The following NBEA variants were observed in gnomAD, a reference collection of about 807,000 sequenced individuals.
The protein encoded by NBEA is neurobeachin, also known as lysosomal-trafficking regulator 2.
NBEA carries 44 observed loss-of-function variants against 343.4 expected under a neutral mutation model. The ratio of observed to expected loss-of-function variants is 0.13; its 90% CI spans 0.10 to 0.16. The LOEUF is 0.16. Ranked by LOEUF, NBEA falls within the 10% of genes least tolerant of loss-of-function variation. NBEA has a pLI of 1.00. For missense variants in NBEA, 2,555 were observed against 3,631.3 expected, an observed-to-expected ratio of 0.70 and a Z score of 7.62; for synonymous variants, 1,175 against 1,238.7, an observed-to-expected ratio of 0.95 and a Z score of 1.08.
At chr13:35,217,969 C>T (rs2074156095) in intron 33 of NBEA, among the ~76,000 whole-genome samples, 1 of 152,102 alleles carries the variant, frequency 6.6e-6, no homozygotes, top group African/African-American at 2.4e-5. Flanking sequence ...GCTTCCTCCT[C>T]TCAGGGACTC....
intron 1 of NBEA, among the ~76,000 whole-genome samples, chr13:35,012,803 C>T (rs1385517642): frequency 6.6e-6 from 1 of 152,122 alleles, no homozygotes; most frequent in Non-Finnish European, 1.5e-5. Context: ...TGGACTCAGT[C>T]ACCTTCTTTT....
chr13:35,372,565 G>A (rs774908473), intron 38 of NBEA, among the ~76,000 whole-genome samples: 7 of 152,156 alleles, frequency 4.6e-5, no homozygotes, highest in Non-Finnish European at 8.8e-5. Flanking sequence ...TGCTTGGATA[G>A]GGATAGCAAC....
intron 38 of NBEA, among the ~76,000 whole-genome samples, chr13:35,431,099 C>A (rs118112216): frequency 0.03 from 4,505 of 151,682 alleles, 102 homozygotes; most frequent in Non-Finnish European, 0.045. Context: ...TGAAAAAATC[C>A]ATAGCTTTTT....
At chr13:35,168,421 C>A (rs886837222) in intron 24 of NBEA, among the ~76,000 whole-genome samples, 1 of 151,470 alleles carries the variant, frequency 6.6e-6, no homozygotes, top group Non-Finnish European at 1.5e-5. Context: ...TATTTTCTAG[C>A]ATGGAAAAGT....
At chr13:35,108,785 C>T (rs1302894371) in intron 11 of NBEA, among the ~76,000 whole-genome samples, 1 of 151,906 alleles carries the variant, frequency 6.6e-6, no homozygotes, top group Non-Finnish European at 1.5e-5. Context: ...AGCGAGTGTT[C>T]AGCATAGACA....
intron 41 of NBEA, among the ~76,000 whole-genome samples, chr13:35,488,332 C>T (rs1217393717): frequency 2.0e-5 from 3 of 151,810 alleles, no homozygotes; most frequent in South Asian, 2.1e-4. Context: ...CTAAATACTC[C>T]ACAGCCTTCG....
At chr13:35,091,442 G>T (rs186665677) in intron 10 of NBEA, among the ~76,000 whole-genome samples, 1 of 152,022 alleles carries the variant, frequency 6.6e-6, no homozygotes, top group East Asian at 1.9e-4. Flanking sequence ...ACAAGTTGTA[G>T]CTGCTACAAT....
At chr13:35,064,248 G>A (rs2063567579) in intron 8 of NBEA, among the ~76,000 whole-genome samples, 1 of 151,968 alleles carries the variant, frequency 6.6e-6, no homozygotes, top group Non-Finnish European at 1.5e-5. Flanking sequence ...GAGTCCTTGG[G>A]AAAGCCAGTG....
At chr13:35,358,745 T>TA (rs2040637816) in intron 38 of NBEA, among the ~76,000 whole-genome samples, 1 of 151,834 alleles carries the variant, frequency 6.6e-6, no homozygotes, top group Non-Finnish European at 1.5e-5. Context: ...AAATAAAAGA[T>TA]ATAAAACTTT....
At chr13:35,142,012 A>G (rs1402212769) in intron 17 of NBEA, among the ~76,000 whole-genome samples, 2 of 152,228 alleles carry the variant, frequency 1.3e-5, no homozygotes, top group African/African-American at 4.8e-5. Flanking sequence ...AATGACATGT[A>G]TGTAATATTC....
chr13:34,998,143 G>A (rs1242097992), intron 1 of NBEA, among the ~76,000 whole-genome samples: 4 of 152,030 alleles, frequency 2.6e-5, no homozygotes, highest in Non-Finnish European at 5.9e-5. Context: ...ATCACATGTT[G>A]GCAGGTTCCA....
chr13:35,655,776 A>G, intron 55 of NBEA, 27 bp downstream of exon 55: 5 of 1,584,552 alleles, frequency 3.2e-6, no homozygotes, highest in Non-Finnish European at 4.3e-6. Context: ...AATTTGTCCT[A>G]TCAAACTATA....
chr13:35,405,987 G>A (rs1277500177), intron 38 of NBEA, among the ~76,000 whole-genome samples: 1 of 152,056 alleles, frequency 6.6e-6, no homozygotes, highest in East Asian at 1.9e-4. Flanking sequence ...GAGTGTATAA[G>A]AGCTCTAAAA....
At chr13:35,288,252 C>CT (rs2035573165) in intron 34 of NBEA, among the ~76,000 whole-genome samples, 3 of 151,634 alleles carry the variant, frequency 2.0e-5, no homozygotes. Context: ...GAGTTTACCT[C>CT]TTTTTTTTAG....
At chr13:35,007,783 G>A (rs1001240065) in intron 1 of NBEA, among the ~76,000 whole-genome samples, 2 of 152,062 alleles carry the variant, frequency 1.3e-5, no homozygotes, top group African/African-American at 2.4e-5. Flanking sequence ...CTGTGCCACC[G>A]TGCCCAGCCC....
At chr13:35,405,932 A>G (rs2043245460) in intron 38 of NBEA, among the ~76,000 whole-genome samples, 1 of 152,116 alleles carries the variant, frequency 6.6e-6, no homozygotes, top group South Asian at 2.1e-4. Flanking sequence ...TGGCCCTAAG[A>G]TTGCTTTAAA....
chr13:35,362,258 T>C (rs1301371140), intron 38 of NBEA, among the ~76,000 whole-genome samples: 1 of 151,968 alleles, frequency 6.6e-6, no homozygotes, highest in Non-Finnish European at 1.5e-5. Flanking sequence ...ATGTTGGTCA[T>C]AGAGTCTCAA....
In NBEA at chr13:34,945,857, G is replaced by A. The variant is rs1397168196; in HGVS notation, c.294+2743G>A. Among the ~76,000 whole-genome samples the A allele has an allele frequency of 3.3e-5, 5 of 152,120 alleles. No individual in the cohort carries two copies. In the East Asian group the frequency reaches 5.8e-4, roughly 18 times the overall value. ...TGGCCAAAGAATTAAAAGCTGGGCA[G>A]AGTGAAGTTTTAAGCATGCACTAAA... On this transcript the variant is annotated intron_variant, in intron 1 of 58. Transcript: ENST00000379939.
chr13:34,947,743 A>G (rs2059229619), intron 1 of NBEA, among the ~76,000 whole-genome samples: 1 of 152,206 alleles, frequency 6.6e-6, no homozygotes, highest in Non-Finnish European at 1.5e-5. Context: ...AGGACACTGT[A>G]TTAGGCAGTA....
Sources: gnomAD v4.1 joint callset for allele counts (sites outside exome capture counted in the v4.1 genomes callset) on GRCh38, gnomAD v4.1.1 for gene constraint, MANE v1.5 for transcripts, NCBI Gene and HGNC (gene_info 2026-07-23, HGNC 2026-07-21) for gene names.